Variants in HPSE2 observed in about 807,000 individuals in gnomAD.
The protein encoded by HPSE2 is heparanase 2 (inactive).
HPSE2 carries 38 observed loss-of-function variants against 60.5 expected under a neutral mutation model. That is an observed-to-expected ratio of 0.63 (90% CI 0.48 to 0.82). HPSE2 has a LOEUF of 0.82. Ranked by LOEUF, HPSE2 falls within the 40% of genes least tolerant of loss-of-function variation. The pLI is 0.00. For synonymous variants in HPSE2, 295 were observed against 293.2 expected (o/e 1.01, Z -0.06); for missense variants, 713 against 740.4 (o/e 0.96, Z 0.43).
rs1445326980 is a variant in HPSE2, at chr10:99,101,243, C to A, written c.610+42995G>T. On this transcript the variant is annotated intron_variant, in intron 3 of 11. Coordinates refer to ENST00000370552, the MANE Select transcript of HPSE2 (RefSeq NM_021828.5). ...ATCAGTGTGCTGTATTCAGGAAACC[C>A]ATCTCACATGCAAAGACACACATAG... Among the ~76,000 whole-genome samples, 4 of 152,190 alleles carry A rather than the reference C, an allele frequency of 2.6e-5. No individual in the cohort carries two copies. The East Asian group carries it at 7.7e-4, about 29-fold the overall frequency.
chr10:98,562,438 C>T (rs572421702), intron 9 of HPSE2, among the ~76,000 whole-genome samples: 27 of 152,222 alleles, frequency 1.8e-4, no homozygotes, highest in African/African-American at 6.0e-4. Context: ...GCTGGTTGGC[C>T]GGGCACGGTG....
Position 98,736,811 on chromosome 10 carries a change from A to G in HPSE2, c.784+7072T>C, listed in dbSNP as rs78645513. ...TATTCACTCTGTGTCATAGTATGTT[A>G]TGCCAAGCTATAAAGTAGTGGCCAG... On this transcript the variant is annotated intron_variant, in intron 4 of 11. Coordinates refer to ENST00000370552, the MANE Select transcript of HPSE2 (RefSeq NM_021828.5). Among the ~76,000 whole-genome samples, 3 of 152,340 alleles carry G rather than the reference A, an allele frequency of 2.0e-5. No individual in the cohort carries two copies. In the East Asian group the frequency reaches 5.8e-4, roughly 29 times the overall value.
intron 3 of HPSE2, among the ~76,000 whole-genome samples, chr10:99,131,148 A>G (rs1403756205): frequency 6.6e-6 from 1 of 152,230 alleles, no homozygotes; most frequent in Non-Finnish European, 1.5e-5. Context: ...TCCCTTTATG[A>G]TTAAAACACC....
chr10:98,620,384 C>CTA (rs1333534318), intron 8 of HPSE2, among the ~76,000 whole-genome samples: 1 of 152,188 alleles, frequency 6.6e-6, no homozygotes, highest in African/African-American at 2.4e-5. Flanking sequence ...ACTACTATTA[C>CTA]TATAATCTTT....
chr10:98,948,090 G>A (rs1009602594), intron 3 of HPSE2, among the ~76,000 whole-genome samples: 1 of 152,142 alleles, frequency 6.6e-6, no homozygotes, highest in Non-Finnish European at 1.5e-5. Flanking sequence ...CTATGGAAAA[G>A]AGCCCTAATA....
intron 3 of HPSE2, among the ~76,000 whole-genome samples, chr10:98,760,318 G>T (rs1949976896): frequency 6.6e-6 from 1 of 151,772 alleles, no homozygotes; most frequent in African/African-American, 2.4e-5. Context: ...CTTGGTCTGG[G>T]TAGGACTTCT....
intron 3 of HPSE2, among the ~76,000 whole-genome samples, chr10:98,931,228 C>G (rs191648491): frequency 0.015 from 2,104 of 144,178 alleles, 181 homozygotes; most frequent in Non-Finnish European, 0.022. Flanking sequence ...AATAGGGCAT[C>G]TTTTCCCCAT....
intron 6 of HPSE2, among the ~76,000 whole-genome samples, chr10:98,643,222 C>T (rs989755188): frequency 3.9e-5 from 6 of 152,166 alleles, no homozygotes; most frequent in Admixed American, 1.3e-4. Context: ...GGGCAAGTTA[C>T]GTAGTCTCTA....
At chr10:99,034,071 T>C (rs1957557058) in intron 3 of HPSE2, among the ~76,000 whole-genome samples, 1 of 152,128 alleles carries the variant, frequency 6.6e-6, no homozygotes, top group African/African-American at 2.4e-5. Flanking sequence ...AAACTGAAAA[T>C]GATCCCCAAT....
At chr10:98,894,930 G>C (rs1002749838) in intron 3 of HPSE2, among the ~76,000 whole-genome samples, 1 of 151,936 alleles carries the variant, frequency 6.6e-6, no homozygotes, top group African/African-American at 2.4e-5. Flanking sequence ...TGACCTCTCA[G>C]AAGCAACAAT....
intron 3 of HPSE2, among the ~76,000 whole-genome samples, chr10:99,021,441 T>C (rs1013488227): frequency 6.6e-5 from 10 of 152,300 alleles, no homozygotes; most frequent in African/African-American, 2.4e-4. Context: ...AATATAAATC[T>C]GATTCACTTC....
chr10:98,742,792 T>TACACACAC lies in HPSE2; in HGVS notation c.784+1083_784+1090dup, dbSNP rs71009713. On this transcript the variant is annotated intron_variant, in intron 4 of 11. Transcript: ENST00000370552. ...TTACACATACACACACACACATACA[T>TACACACAC]ACACACACACACACACACACACACA... 7.7e-3 allele frequency among the ~76,000 whole-genome samples: 1,138 copies of TACACACAC among 147,322 alleles called. 5 individuals carry two copies. Among genetic ancestry groups the TACACACAC allele is most frequent in the East Asian group, 0.033 (162 of 4,938 alleles).
At chr10:98,992,702 A>G (rs904997827) in intron 3 of HPSE2, among the ~76,000 whole-genome samples, 6 of 152,238 alleles carry the variant, frequency 3.9e-5, no homozygotes, top group African/African-American at 1.4e-4. Context: ...GGCACAAAGT[A>G]CTTAAAGAAA....
rs10604979 is a variant in HPSE2, at chr10:99,148,787, CTCAATCAA to C, written c.449-4396_449-4389del. Among the ~76,000 whole-genome samples the C allele has an allele frequency of 7.4e-3, 1,106 of 149,756 alleles. 3 individuals carry two copies. Among genetic ancestry groups the C allele is most frequent in the Middle Eastern group, 0.014 (4 of 292 alleles). On this transcript the variant is annotated intron_variant, in intron 2 of 11. Transcript: ENST00000370552. ...CCCGGGCAAAAAGAGCGAAACTCCA[CTCAATCAA>C]TCAATCAATCAATCAATCAATCAAT...
intron 3 of HPSE2, among the ~76,000 whole-genome samples, chr10:98,792,044 A>G (rs1015337063): frequency 2.0e-5 from 3 of 152,210 alleles, no homozygotes; most frequent in Non-Finnish European, 4.4e-5. Flanking sequence ...AAATATGCGC[A>G]TTATTATCTC....
the HPSE2 span, among the ~76,000 whole-genome samples, chr10:99,246,193 A>C: frequency 2.0e-4 from 30 of 152,352 alleles, no homozygotes; most frequent in Admixed American, 5.2e-4. Context: ...CAATGTTCGT[A>C]AACAGTCTCT....
At chr10:98,959,750 T>C (rs1207726333) in intron 3 of HPSE2, among the ~76,000 whole-genome samples, 6 of 152,086 alleles carry the variant, frequency 3.9e-5, no homozygotes, top group African/African-American at 1.4e-4. Flanking sequence ...GAGGCCTTCA[T>C]CTATGTAGAG....
chr10:99,085,240 C>T (rs1843277516), intron 3 of HPSE2, among the ~76,000 whole-genome samples: 1 of 152,116 alleles, frequency 6.6e-6, no homozygotes, highest in African/African-American at 2.4e-5. Flanking sequence ...AGGAAGGGAA[C>T]CTAGAACTTG....
intron 3 of HPSE2, among the ~76,000 whole-genome samples, chr10:99,018,385 A>G (rs1957188932): frequency 6.6e-6 from 1 of 152,234 alleles, no homozygotes; most frequent in Non-Finnish European, 1.5e-5. Context: ...ATTCTCTCCC[A>G]ATCCTGAAGT....
Sources: gnomAD v4.1 joint callset for allele counts (sites outside exome capture counted in the v4.1 genomes callset) on GRCh38, gnomAD v4.1.1 for gene constraint, MANE v1.5 for transcripts, NCBI Gene and HGNC (gene_info 2026-07-23, HGNC 2026-07-21) for gene names.